The following SCOC variants were observed in gnomAD, a reference collection of about 807,000 sequenced individuals.
SCOC encodes the protein short coiled coil protein.
A neutral mutation model predicts 9.9 loss-of-function variants in SCOC; 7 were observed. The observed-to-expected ratio is 0.71, with a 90% confidence interval of 0.40 to 1.33. SCOC has a LOEUF of 1.33. Ranked by LOEUF, SCOC falls within the 40% of genes most tolerant of loss-of-function variation. The probability of loss-of-function intolerance (pLI) is 0.01; values close to 1 mark genes in which losing one functional copy is unlikely to be tolerated. For synonymous variants in SCOC, 19 were observed against 28.2 expected, an observed-to-expected ratio of 0.67 and a Z score of 1.03; for missense variants, 66 against 89.7, an observed-to-expected ratio of 0.74 and a Z score of 1.07.
intron 1 of SCOC, among the ~76,000 whole-genome samples, chr4:140,262,781 G>A (rs904795369): frequency 6.6e-6 from 1 of 151,974 alleles, no homozygotes; most frequent in African/African-American, 2.4e-5. Flanking sequence ...GCGGAGGGGC[G>A]AAGGGGAAGC....
intron 1 of SCOC, among the ~76,000 whole-genome samples, chr4:140,281,544 G>A (rs940328582): frequency 2.6e-5 from 4 of 152,192 alleles, no homozygotes; most frequent in Non-Finnish European, 5.9e-5. Flanking sequence ...GGCATACTTA[G>A]GCAGCGCTGT....
chr4:140,287,598 C>T (rs1731330066), intron 1 of SCOC, among the ~76,000 whole-genome samples: 1 of 151,922 alleles, frequency 6.6e-6, no homozygotes, highest in Admixed American at 6.6e-5. Context: ...ATATATCACA[C>T]ATATGTACAC....
chr4:140,279,575 T>C (rs1398310948), intron 1 of SCOC, among the ~76,000 whole-genome samples: 2 of 152,188 alleles, frequency 1.3e-5, no homozygotes, highest in Non-Finnish European at 2.9e-5. Context: ...TTCGATTCGA[T>C]TCTTGTGACT....
intron 1 of SCOC, among the ~76,000 whole-genome samples, chr4:140,303,115 T>C (rs1731860197): frequency 6.6e-6 from 1 of 152,156 alleles, no homozygotes; most frequent in African/African-American, 2.4e-5. Flanking sequence ...GCTGCAACTT[T>C]ATTATTGCCC....
At chr4:140,308,517 C>T (rs1045756572) in intron 1 of SCOC, among the ~76,000 whole-genome samples, 4 of 152,176 alleles carry the variant, frequency 2.6e-5, no homozygotes, top group Non-Finnish European at 5.9e-5. Flanking sequence ...GGCCTCAGAT[C>T]ACCCTCCTGC....
chr4:140,307,383 A>G (rs571804335), intron 1 of SCOC, among the ~76,000 whole-genome samples: 17 of 152,228 alleles, frequency 1.1e-4, no homozygotes, highest in Non-Finnish European at 2.5e-4. Flanking sequence ...GGTTCCTTCC[A>G]CTATGATTGC....
intron 1 of SCOC, among the ~76,000 whole-genome samples, chr4:140,260,066 A>G (rs753893662): frequency 3.3e-5 from 5 of 152,184 alleles, no homozygotes; most frequent in Non-Finnish European, 7.3e-5. Flanking sequence ...TTATTTTTAT[A>G]TAATTAATTT....
intron 2 of SCOC, among the ~76,000 whole-genome samples, chr4:140,347,324 G>A (rs1023923223): frequency 2.0e-4 from 31 of 152,128 alleles, no homozygotes; most frequent in African/African-American, 7.2e-4. Flanking sequence ...AGATAGTTTA[G>A]GAATCTATGG....
chr4:140,322,575 T>C (rs1430804540), intron 1 of SCOC, among the ~76,000 whole-genome samples: 1 of 152,182 alleles, frequency 6.6e-6, no homozygotes, highest in Non-Finnish European at 1.5e-5. Flanking sequence ...AGGCAGAACT[T>C]AAATGTGATG....
rs1728553061 is a variant in SCOC, at chr4:140,380,966, C to G, written c.111C>G (p.Leu37=). 6.4e-7 allele frequency: 1 copy of G among 1,570,410 alleles called. No individual in the cohort carries two copies. Among genetic ancestry groups the G allele is most frequent in the Admixed American group, 2.0e-5 (1 of 48,892 alleles). The part of the protein sequence containing the change: ...VLELQHTLED[L]SARVDAVKEE... Reference sequence around the variant, plus strand: ...GCATTTTTATTTTTTATATAGATCTCTCTGCAAGAGTAGATGCAGTTAAGG... The same window carrying G: ...GCATTTTTATTTTTTATATAGATCTGTCTGCAAGAGTAGATGCAGTTAAGG... Residue 37 remains leucine, a synonymous_variant, in exon 4 of 4, where the codon CTC becomes CTG. Coordinates refer to ENST00000608372, the MANE Select transcript of SCOC (RefSeq NM_001153484.2).
At chr4:140,287,193 A>G (rs1731303262) in intron 1 of SCOC, among the ~76,000 whole-genome samples, 1 of 151,996 alleles carries the variant, frequency 6.6e-6, no homozygotes, top group Non-Finnish European at 1.5e-5. Context: ...CATGCTACAC[A>G]CACACATCAT....
intron 1 of SCOC, among the ~76,000 whole-genome samples, chr4:140,282,473 C>T (rs1016894278): frequency 6.6e-6 from 1 of 152,078 alleles, no homozygotes; most frequent in Non-Finnish European, 1.5e-5. Context: ...CCCTGTCCCA[C>T]CCCCCGTCCC....
chr4:140,338,388 C>T (rs1733020254), intron 1 of SCOC, among the ~76,000 whole-genome samples: 1 of 152,222 alleles, frequency 6.6e-6, no homozygotes, highest in Non-Finnish European at 1.5e-5. Context: ...AAACCTGGCA[C>T]AAGACAGGGA....
intron 2 of SCOC, among the ~76,000 whole-genome samples, chr4:140,362,125 A>G (rs887061622): frequency 9.3e-6 from 1 of 107,746 alleles, no homozygotes; most frequent in Non-Finnish European, 2.1e-5. Context: ...CCTTCACTGA[A>G]GAAGGAAAGA....
At chr4:140,261,081 AT>A (rs1730622839) in intron 1 of SCOC, among the ~76,000 whole-genome samples, 2 of 152,244 alleles carry the variant, frequency 1.3e-5, no homozygotes, top group African/African-American at 4.8e-5. Context: ...ACTAAGGTAG[AT>A]TGATCCTCAT....
At chr4:140,377,301 G>A (rs1728385027) in intron 1 of SCOC, among the ~76,000 whole-genome samples, 1 of 152,150 alleles carries the variant, frequency 6.6e-6, no homozygotes, top group African/African-American at 2.4e-5. Context: ...AGTTTTTGGA[G>A]TGTGGTCTTT....
chr4:140,263,311 T>C (rs966245071), intron 1 of SCOC, among the ~76,000 whole-genome samples: 1 of 152,144 alleles, frequency 6.6e-6, no homozygotes, highest in Admixed American at 6.5e-5. Flanking sequence ...TTTAGGACCA[T>C]CAGTGTTACA....
At chr4:140,262,744 G>C (rs1423529308) in intron 1 of SCOC, among the ~76,000 whole-genome samples, 1 of 152,106 alleles carries the variant, frequency 6.6e-6, no homozygotes, top group Non-Finnish European at 1.5e-5. Context: ...GCTTGGCTGG[G>C]GAGGCCTCAG....
chr4:140,356,956 A>C (rs1727256206), intron 2 of SCOC, among the ~76,000 whole-genome samples: 1 of 152,058 alleles, frequency 6.6e-6, no homozygotes, highest in African/African-American at 2.4e-5. Flanking sequence ...GTACCTTAAA[A>C]TCTTTTATTT....
Sources: gnomAD v4.1 joint callset for allele counts (sites outside exome capture counted in the v4.1 genomes callset) on GRCh38, gnomAD v4.1.1 for gene constraint, MANE v1.5 for transcripts, NCBI Gene and HGNC (gene_info 2026-07-23, HGNC 2026-07-21) for gene names.